Variants in RASAL2 observed in about 807,000 individuals in gnomAD.
The protein encoded by RASAL2 is RAS protein activator like 2.
In RASAL2, 58 loss-of-function variants were observed where a neutral mutation model predicts 128.9. The observed-to-expected ratio is 0.45, with a 90% CI of 0.36 to 0.56. The LOEUF is 0.56. Among genes scored for constraint, RASAL2 ranks in the 20% least tolerant of loss-of-function variants. The probability of loss-of-function intolerance (pLI) is 0.00; values close to 1 mark genes in which losing one functional copy is unlikely to be tolerated. For missense variants in RASAL2, 1,360 were observed against 1,601.6 expected (o/e 0.85, Z 2.57); for synonymous variants, 561 against 580.8 (o/e 0.97, Z 0.49).
At chr1:178,180,652 G>A (rs1362895475) in intron 1 of RASAL2, among the ~76,000 whole-genome samples, 6 of 49,554 alleles carry the variant, frequency 1.2e-4, no homozygotes, top group African/African-American at 2.9e-4. Context: ...GGGTGATGGA[G>A]CGAGACTGTC....
intron 1 of RASAL2, among the ~76,000 whole-genome samples, chr1:178,260,768 T>G (rs1336066666): frequency 6.6e-6 from 1 of 152,120 alleles, no homozygotes; most frequent in East Asian, 1.9e-4. Flanking sequence ...TGAAACCTAC[T>G]GACTGATGCT....
intron 1 of RASAL2, among the ~76,000 whole-genome samples, chr1:178,265,349 C>G (rs539234100): frequency 6.6e-6 from 1 of 152,260 alleles, no homozygotes; most frequent in South Asian, 2.1e-4. Flanking sequence ...ACCTCCGCCT[C>G]CTGGGTTCAA....
intron 6 of RASAL2, 35 bp from the exon 7 acceptor site, chr1:178,441,514 T>C (rs1676649520): frequency 2.0e-6 from 3 of 1,516,660 alleles, no homozygotes; most frequent in Non-Finnish European, 2.7e-6. Flanking sequence ...AAATCCAGTG[T>C]TTTCTTTTTC....
At chr1:178,254,144 T>C (rs1196046961) in intron 1 of RASAL2, among the ~76,000 whole-genome samples, 1 of 152,176 alleles carries the variant, frequency 6.6e-6, no homozygotes, top group Admixed American at 6.5e-5. Flanking sequence ...CCTTTTCACC[T>C]CAAGTCAAAT....
intron 1 of RASAL2, among the ~76,000 whole-genome samples, chr1:178,190,640 T>C (rs1026766584): frequency 6.6e-6 from 1 of 152,154 alleles, no homozygotes; most frequent in Non-Finnish European, 1.5e-5. Flanking sequence ...TAATGATTTT[T>C]GTGAAAGATT....
chr1:178,291,805 G>C (rs1037884187), intron 2 of RASAL2, among the ~76,000 whole-genome samples: 2 of 152,116 alleles, frequency 1.3e-5, no homozygotes, highest in African/African-American at 4.8e-5. Flanking sequence ...TGGAGGCCGA[G>C]GCAGGTGGAT....
intron 1 of RASAL2, among the ~76,000 whole-genome samples, chr1:178,238,281 A>T (rs185377040): frequency 6.6e-6 from 1 of 152,136 alleles, no homozygotes; most frequent in African/African-American, 2.4e-5. Context: ...TTTCTATTGT[A>T]TGGATATACT....
At chr1:178,231,636 GT>G (rs899236646) in intron 1 of RASAL2, among the ~76,000 whole-genome samples, 3 of 151,168 alleles carry the variant, frequency 2.0e-5, no homozygotes, top group Admixed American at 6.6e-5. Flanking sequence ...CTCACTCACA[GT>G]TTTTTTTTAC....
At chr1:178,360,378 G>A (rs755114121) in intron 3 of RASAL2, among the ~76,000 whole-genome samples, 2 of 152,190 alleles carry the variant, frequency 1.3e-5, no homozygotes, top group Non-Finnish European at 1.5e-5. Flanking sequence ...AACATTGGCC[G>A]TGAATTTGAA....
intron 1 of RASAL2, chr1:178,194,811 A>G (rs919102891): frequency 6.6e-6 from 1 of 152,292 alleles, no homozygotes; most frequent in Non-Finnish European, 1.5e-5. Flanking sequence ...ATGACCAAAC[A>G]CTCTGCACCT....
chr1:178,116,670 C>T (rs1659529347), intron 1 of RASAL2, among the ~76,000 whole-genome samples: 1 of 152,186 alleles, frequency 6.6e-6, no homozygotes, highest in Non-Finnish European at 1.5e-5. Context: ...AGTGCAGTGG[C>T]ACGATCTCGG....
At chr1:178,336,744 G>A (rs914496050) in intron 3 of RASAL2, among the ~76,000 whole-genome samples, 3 of 151,994 alleles carry the variant, frequency 2.0e-5, no homozygotes, top group African/African-American at 7.2e-5. Flanking sequence ...TTACAGGCAC[G>A]TCCTTGGCTC....
intron 1 of RASAL2, among the ~76,000 whole-genome samples, chr1:178,111,638 A>C (rs1659326207): frequency 6.6e-6 from 1 of 152,206 alleles, no homozygotes; most frequent in Non-Finnish European, 1.5e-5. Flanking sequence ...TTGTGGTTTC[A>C]ATTTATTCAA....
chr1:178,311,914 T>C (rs1668274281), intron 3 of RASAL2, among the ~76,000 whole-genome samples: 1 of 152,012 alleles, frequency 6.6e-6, no homozygotes, highest in African/African-American at 2.4e-5. Flanking sequence ...AAAAAAATGA[T>C]TGATATCCTC....
At chr1:178,359,956 G>A (rs1203747252) in intron 3 of RASAL2, among the ~76,000 whole-genome samples, 2 of 152,078 alleles carry the variant, frequency 1.3e-5, no homozygotes, top group South Asian at 2.1e-4. Context: ...TAAGCTTCAG[G>A]TCCCACAACA....
chr1:178,176,372 C>G (rs947765048), intron 1 of RASAL2, among the ~76,000 whole-genome samples: 8 of 150,808 alleles, frequency 5.3e-5, no homozygotes, highest in Non-Finnish European at 7.4e-5. Flanking sequence ...TGAGAAATGT[C>G]TGTTCCTGTC....
intron 1 of RASAL2, among the ~76,000 whole-genome samples, chr1:178,255,280 AGCT>A: frequency 6.6e-6 from 1 of 152,260 alleles, no homozygotes; most frequent in South Asian, 2.1e-4. Flanking sequence ...GCTCCAGTAA[AGCT>A]AATTATGTAA....
chr1:178,129,079 T>G (rs1037838004), intron 1 of RASAL2, among the ~76,000 whole-genome samples: 1 of 152,122 alleles, frequency 6.6e-6, no homozygotes, highest in African/African-American at 2.4e-5. Context: ...GTACATAGGT[T>G]TCAGTTCTCT....
chr1:178,410,411 A>G lies in RASAL2; in HGVS notation c.565-10100A>G, dbSNP rs993303045. Among the ~76,000 whole-genome samples, 4 of 152,200 alleles carry G rather than the reference A, an allele frequency of 2.6e-5. No homozygotes were observed. In the South Asian group the frequency reaches 6.2e-4, roughly 24 times the overall value. Reference sequence around the variant, plus strand: ...AGACTTACATCTAAGACCTGAAACCATAAGAATTCTAGAAGATAACATCGG... The same window carrying G: ...AGACTTACATCTAAGACCTGAAACCGTAAGAATTCTAGAAGATAACATCGG... On this transcript the variant is annotated intron_variant, in intron 4 of 17. Transcript: ENST00000367649.
Sources: gnomAD v4.1 joint callset for allele counts (sites outside exome capture counted in the v4.1 genomes callset) on GRCh38, gnomAD v4.1.1 for gene constraint, MANE v1.5 for transcripts, NCBI Gene and HGNC (gene_info 2026-07-23, HGNC 2026-07-21) for gene names.